Variants in MAPK8IP1 observed in about 807,000 individuals in gnomAD.
MAPK8IP1 encodes the protein C-Jun-amino-terminal kinase-interacting protein 1.
In MAPK8IP1, 17 loss-of-function variants were observed where a neutral mutation model predicts 72.6. The ratio of observed to expected loss-of-function variants is 0.23; its 90% CI spans 0.16 to 0.35. The LOEUF is 0.35. Among genes scored for constraint, MAPK8IP1 ranks in the 10% least tolerant of loss-of-function variants. The pLI, the probability that MAPK8IP1 is intolerant of heterozygous loss-of-function variation, is 1.00. For synonymous variants in MAPK8IP1, 401 were observed against 443.4 expected, an observed-to-expected ratio of 0.90 and a Z score of 1.20; for missense variants, 789 against 1,009.7, an observed-to-expected ratio of 0.78 and a Z score of 2.96.
chr11:45,904,385 C>A lies in MAPK8IP1; in HGVS notation c.1667-70C>A. 7.3e-7 allele frequency: 1 copy of A among 1,366,006 alleles called. No individual in the cohort carries two copies. The highest frequency in any genetic ancestry group is 1.0e-6 in the Non-Finnish European group (1 of 963,694). 84.6% of individuals were successfully genotyped at this position (1,366,006 alleles called of 1,614,324 possible). A position where few individuals can be genotyped will look rare whatever the true frequency, so the allele number is the denominator to read the frequency against. On this transcript the variant is annotated intron_variant, in intron 7 of 11. Transcript: ENST00000241014. This position sits in a 1 kb window ranked among gnomAD's most constrained non-coding sequence, Gnocchi z 6.4. The stretch of plus-strand genomic sequence containing the variant: ...CTGCCATTCCCCGTGCCTCACCCAC[C>A]CTCCTTCACTTGGCTGCTCAGCTCC...
At position 45,903,250 on chromosome 11, in the gene MAPK8IP1, G is replaced by A; in HGVS notation, c.1417+66G>A. The A allele has an allele frequency of 1.3e-6, 2 of 1,587,000 alleles. No homozygotes were observed. Among genetic ancestry groups the A allele is most frequent in the Non-Finnish European group, 8.6e-7 (1 of 1,164,410 alleles). On this transcript the variant is annotated intron_variant, in intron 5 of 11. Coordinates refer to ENST00000241014, the MANE Select transcript of MAPK8IP1 (RefSeq NM_005456.4). This position sits in a 1 kb window ranked among gnomAD's most constrained non-coding sequence, Gnocchi z 6.4. ...AGCGGGGGCAGAGCCAAAATGCGAA[G>A]TGTTCTGGGAGGCGACCCCAGGCCC...
intron 2 of MAPK8IP1, among the ~76,000 whole-genome samples, chr11:45,899,267 C>A (rs1364979314): frequency 6.6e-6 from 1 of 152,226 alleles, no homozygotes; most frequent in Admixed American, 6.5e-5. Context: ...CCTGCCCTCT[C>A]CCCCAGCTGC....
chr11:45,898,586 T>A (rs758465031), intron 2 of MAPK8IP1, among the ~76,000 whole-genome samples: 3 of 152,146 alleles, frequency 2.0e-5, no homozygotes, highest in Non-Finnish European at 4.4e-5. Flanking sequence ...TCTGGTGGAA[T>A]CTGCAGTGCT....
At chr11:45,898,356 T>C (rs753167942) in intron 2 of MAPK8IP1, among the ~76,000 whole-genome samples, 166 bp downstream of exon 2, 3 of 151,946 alleles carry the variant, frequency 2.0e-5, no homozygotes, top group Non-Finnish European at 4.4e-5. Flanking sequence ...ACGTCTTGAG[T>C]GTACAATCAG....
chr11:45,901,288 G>A (rs890157252), intron 3 of MAPK8IP1, among the ~76,000 whole-genome samples: 13 of 152,086 alleles, frequency 8.5e-5, no homozygotes, highest in South Asian at 2.1e-4. Flanking sequence ...GGGCATTGTG[G>A]GGAGGGGTCC....
chr11:45,894,726 T>G (rs1230674005), intron 1 of MAPK8IP1, among the ~76,000 whole-genome samples: 1 of 152,144 alleles, frequency 6.6e-6, no homozygotes, highest in Non-Finnish European at 1.5e-5. Context: ...CAGGATGAAC[T>G]CGCCAGCTCT....
intron 1 of MAPK8IP1, among the ~76,000 whole-genome samples, chr11:45,887,021 C>T (rs546564397): frequency 4.2e-4 from 64 of 152,264 alleles, no homozygotes; most frequent in African/African-American, 1.5e-3. Context: ...CTGGAAGGAC[C>T]AGAGGGGGCC....
chr11:45,891,568 G>T (rs1040824853), intron 1 of MAPK8IP1, among the ~76,000 whole-genome samples: 2 of 152,266 alleles, frequency 1.3e-5, no homozygotes, highest in East Asian at 3.9e-4. Flanking sequence ...AGCAGACGGG[G>T]AGCCCATGCT....
intron 1 of MAPK8IP1, among the ~76,000 whole-genome samples, chr11:45,896,174 T>C (rs1173924429): frequency 6.6e-6 from 1 of 152,224 alleles, no homozygotes; most frequent in African/African-American, 2.4e-5. Context: ...TAGCTGTGGC[T>C]CTGGTGCCTC....
chr11:45,886,017 CG>C (rs1245038317), intron 1 of MAPK8IP1, 96 bp downstream of exon 1: 1 of 758,354 alleles, frequency 1.3e-6, no homozygotes, highest in African/African-American at 1.9e-5. Context: ...CTCGGGAACC[CG>C]GGAACGAAAG....
At position 45,906,133 on chromosome 11, in the gene MAPK8IP1, C is replaced by T. The variant is rs1472791553; in HGVS notation, c.*412C>T. 2.7e-6 allele frequency: 1 copy of T among 368,470 alleles called. No individual in the cohort carries two copies. Among genetic ancestry groups the T allele is most frequent in the South Asian group, 3.6e-5 (1 of 28,080 alleles). 22.8% of individuals were successfully genotyped at this position (368,470 alleles called of 1,614,324 possible). ...ATGAAGCCTGTGCCACCTGCAAGTG[C>T]CCGCCCTGCCCCTGCCCCAACCCCC... On this transcript the variant is annotated 3_prime_UTR_variant, in exon 12 of 12. Coordinates refer to ENST00000241014, the MANE Select transcript of MAPK8IP1 (RefSeq NM_005456.4).
Position 45,903,209 on chromosome 11 carries a change from G to T in MAPK8IP1, c.1417+25G>T. 6.3e-7 allele frequency: 1 copy of T among 1,594,972 alleles called. No homozygotes were observed. The highest frequency in any genetic ancestry group is 1.1e-5 in the South Asian group (1 of 90,030). Reference sequence around the variant, plus strand: ...AGTGAGTCAGCAAGGGGAAGCAGTGGGGTGGGGGGGTCCCTAGCGGGGGCA... The same window carrying T: ...AGTGAGTCAGCAAGGGGAAGCAGTGTGGTGGGGGGGTCCCTAGCGGGGGCA... On this transcript the variant is annotated intron_variant, in intron 5 of 11. Transcript: ENST00000241014. This position sits in a 1 kb window ranked among gnomAD's most constrained non-coding sequence, Gnocchi z 6.4.
chr11:45,906,171 T>G lies in MAPK8IP1; in HGVS notation c.*450T>G, dbSNP rs1590789868. The G allele has an allele frequency of 7.3e-6, 2 of 274,040 alleles. No homozygotes were observed. Among genetic ancestry groups the G allele is most frequent in the Non-Finnish European group, 1.4e-5 (2 of 143,854 alleles). 17.0% of individuals were successfully genotyped at this position (274,040 alleles called of 1,614,324 possible). Reference sequence around the variant, plus strand: ...TGCCCCAACCCCCACCGAAGAGCCCTGAGCTCAGGCTGAGCCCAGCCACCT... The same window carrying G: ...TGCCCCAACCCCCACCGAAGAGCCCGGAGCTCAGGCTGAGCCCAGCCACCT... On this transcript the variant is annotated 3_prime_UTR_variant, in exon 12 of 12. Coordinates refer to ENST00000241014, the MANE Select transcript of MAPK8IP1 (RefSeq NM_005456.4).
At position 45,903,099 on chromosome 11, in the gene MAPK8IP1, C is replaced by T. The variant is rs755355022; in HGVS notation, c.1332C>T (p.Ser444=). Residue 444 remains serine, a synonymous_variant, in exon 5 of 12, where the codon TCC becomes TCT. Transcript: ENST00000241014. This position sits in a 1 kb window ranked among gnomAD's most constrained non-coding sequence, Gnocchi z 6.4. Reference sequence around the variant, plus strand: ...GGCCCCAGCCCCCTGCCTGCCTCTCCGAGGACTCCACGCCTGATGAACCCG... The same window carrying T: ...GGCCCCAGCCCCCTGCCTGCCTCTCTGAGGACTCCACGCCTGATGAACCCG... ...APRPQPPACL[S]EDSTPDEPDV... is the part of the protein sequence containing the mutation. The T allele has an allele frequency of 1.3e-5, 21 of 1,611,392 alleles. No homozygotes were observed. The highest frequency in any genetic ancestry group is 2.1e-4 in the Middle Eastern group (1 of 4,866).
At chr11:45,898,854 A>G (rs906602604) in intron 2 of MAPK8IP1, among the ~76,000 whole-genome samples, 1 of 152,328 alleles carries the variant, frequency 6.6e-6, no homozygotes, top group Admixed American at 6.5e-5. Context: ...AACTGGGGTC[A>G]GATGGGGATC....
chr11:45,903,018 C>T lies in MAPK8IP1; in HGVS notation c.1251C>T (p.Ala417=), dbSNP rs576401551. ...CTGCCACCGTCTATGACAACTGTGCCTCCGTCTCCTCGCCCTATGAGTCGG... is the reference window on the plus strand; with the variant it reads ...CTGCCACCGTCTATGACAACTGTGCTTCCGTCTCCTCGCCCTATGAGTCGG... ...SDSATVYDNC[A]SVSSPYESAI... Residue 417 remains alanine, a synonymous_variant, in exon 5 of 12, where the codon GCC becomes GCT. Transcript: ENST00000241014. This position sits in a 1 kb window ranked among gnomAD's most constrained non-coding sequence, Gnocchi z 6.4. The T allele has an allele frequency of 4.3e-6, 7 of 1,611,734 alleles. No individual in the cohort carries two copies. In the East Asian group the frequency reaches 6.7e-5, roughly 15 times the overall value.
chr11:45,886,598 G>A (rs1425512990), intron 1 of MAPK8IP1, among the ~76,000 whole-genome samples: 2 of 152,156 alleles, frequency 1.3e-5, no homozygotes, highest in Non-Finnish European at 2.9e-5. Context: ...TCCCTGCTGG[G>A]GTAAATACCC....
chr11:45,905,744 TC>T lies in MAPK8IP1; in HGVS notation c.*28del. The T allele has an allele frequency of 6.2e-7, 1 of 1,609,114 alleles. No homozygotes were observed. ...TAGCTGTGCAGCCCCGCCCTCTGCGTCCCCCAGCCCTCAGGCCAGTGCCAGG... is the reference window on the plus strand; with the variant it reads ...TAGCTGTGCAGCCCCGCCCTCTGCGTCCCCAGCCCTCAGGCCAGTGCCAGG... On this transcript the variant is annotated 3_prime_UTR_variant, in exon 12 of 12. Transcript: ENST00000241014.
rs956005469 is a variant in MAPK8IP1 at position 45,885,931 on chromosome 11, C to A, written c.101+10C>A. ...CGCCTCCCAATTTCAGGTGAGAGTCCCCGGCCGCCGCGCGCCTCGCCCTTC... is the reference window on the plus strand; with the variant it reads ...CGCCTCCCAATTTCAGGTGAGAGTCACCGGCCGCCGCGCGCCTCGCCCTTC... On this transcript the variant is annotated intron_variant, in intron 1 of 11. Coordinates refer to ENST00000241014, the MANE Select transcript of MAPK8IP1 (RefSeq NM_005456.4). 8 of 1,467,500 alleles carry A rather than the reference C, an allele frequency of 5.5e-6. No individual in the cohort carries two copies. The African/African-American group carries it at 5.8e-5, about 11-fold the overall frequency. The allele number at this position is 1,467,500 out of a possible 1,614,324, so 90.9% of individuals were successfully genotyped here.
Sources: gnomAD v4.1 joint callset for allele counts (sites outside exome capture counted in the v4.1 genomes callset) on GRCh38, gnomAD v4.1.1 for gene constraint, Gnocchi (gnomAD v3.1) non-coding constraint, MANE v1.5 for transcripts, NCBI Gene and HGNC (gene_info 2026-07-23, HGNC 2026-07-21) for gene names.